The following ARHGEF3 variants were observed in gnomAD, a reference collection of about 807,000 sequenced individuals.
ARHGEF3 encodes Rho guanine nucleotide exchange factor 3.
Under a neutral mutation model 63.2 loss-of-function variants are expected in ARHGEF3, and 28 were observed. The ratio of observed to expected loss-of-function variants is 0.44; its 90% CI spans 0.33 to 0.61. The LOEUF (loss-of-function observed/expected upper bound fraction) is 0.61. ARHGEF3 is among the 20% of genes least tolerant of loss of function. ARHGEF3 has a pLI of 0.03. For synonymous variants in ARHGEF3, 266 were observed against 254.2 expected (o/e 1.05, Z -0.44); for missense variants, 533 against 659.3 (o/e 0.81, Z 2.10).
intron 3 of ARHGEF3, among the ~76,000 whole-genome samples, chr3:56,913,006 G>A (rs1048259759): frequency 3.9e-5 from 6 of 152,276 alleles, no homozygotes; most frequent in African/African-American, 1.4e-4. Flanking sequence ...GGGTATGGTG[G>A]TGCATACCTG....
exon 3 of ARHGEF3, chr3:56,958,840 C>T: frequency 1.9e-6 from 3 of 1,551,576 alleles, no homozygotes; most frequent in South Asian, 1.2e-5. Flanking sequence ...AAATTCCAGG[C>T]TTTAGGAGAG....
At chr3:56,983,529 G>C (rs533395092) in intron 2 of ARHGEF3, among the ~76,000 whole-genome samples, 2 of 152,316 alleles carry the variant, frequency 1.3e-5, no homozygotes, top group South Asian at 4.1e-4. Flanking sequence ...GCCTCCAATA[G>C]TACCTGTGAT....
intron 2 of ARHGEF3, among the ~76,000 whole-genome samples, chr3:56,970,398 C>A (rs1449364388): frequency 6.6e-6 from 1 of 152,100 alleles, no homozygotes; most frequent in Non-Finnish European, 1.5e-5. Context: ...GCTGAGAAAG[C>A]AAGCATTTTA....
chr3:56,763,605 G>A (rs1270751019), intron 2 of ARHGEF3, among the ~76,000 whole-genome samples: 1 of 152,198 alleles, frequency 6.6e-6, no homozygotes, highest in Non-Finnish European at 1.5e-5. Context: ...CTCACATGCA[G>A]AGTTAAGTGA....
intron 1 of ARHGEF3, among the ~76,000 whole-genome samples, chr3:57,044,460 C>CA (rs1704359997): frequency 1.3e-5 from 2 of 152,212 alleles, no homozygotes; most frequent in African/African-American, 2.4e-5. Flanking sequence ...TTTCTAAACA[C>CA]AGTGTCAAGA....
chr3:56,967,856 A>G (rs1700637618), intron 2 of ARHGEF3, among the ~76,000 whole-genome samples: 1 of 37,042 alleles, frequency 2.7e-5, no homozygotes, highest in South Asian at 8.7e-4. Flanking sequence ...TATATAATAT[A>G]TAATGACATA....
intron 1 of ARHGEF3, among the ~76,000 whole-genome samples, chr3:57,038,765 C>A (rs1704061589): frequency 6.6e-6 from 1 of 152,164 alleles, no homozygotes; most frequent in East Asian, 1.9e-4. Flanking sequence ...TTGGTAATGA[C>A]CACAGCCACT....
chr3:57,074,254 A>G lies in ARHGEF3; in HGVS notation c.-28+4972T>C, dbSNP rs146163794. The G allele has an allele frequency of 1.2e-4, 189 of 1,612,400 alleles. 1 individual carries two copies. The African/African-American group carries it at 2.3e-3, about 20-fold the overall frequency. ...ACAGTATACTCCAACACACACATAC[A>G]CACACATCTGTAATCAATAATAATC... On this transcript the variant is annotated intron_variant, in intron 1 of 12. Transcript: ENST00000338458.
rs373164985 is a variant in ARHGEF3, at chr3:57,074,077, A to C, written c.-28+5149T>G. On this transcript the variant is annotated intron_variant, in intron 1 of 12. Coordinates refer to the ARHGEF3 transcript ENST00000338458. The stretch of plus-strand genomic sequence containing the variant: ...CAAGTTATTCATAACTCTACACCTC[A>C]ATTTCTTGGTATGGAAGATGGGGAT... The C allele has an allele frequency of 4.3e-6, 7 of 1,613,940 alleles. No individual in the cohort carries two copies. The African/African-American group carries it at 6.7e-5, about 15-fold the overall frequency.
chr3:57,051,692 G>A (rs1353394210), intron 1 of ARHGEF3, among the ~76,000 whole-genome samples: 4 of 152,040 alleles, frequency 2.6e-5, no homozygotes, highest in African/African-American at 7.2e-5. Flanking sequence ...GGCCAGGCAC[G>A]GTGGCTCACG....
At chr3:57,000,824 T>C (rs1702165306) in intron 2 of ARHGEF3, among the ~76,000 whole-genome samples, 1 of 152,216 alleles carries the variant, frequency 6.6e-6, no homozygotes, top group Non-Finnish European at 1.5e-5. Flanking sequence ...TGAGCCACCA[T>C]GCCCAGCCAC....
At chr3:56,743,783 G>T (rs1578391540) in intron 7 of ARHGEF3, among the ~76,000 whole-genome samples, 1 of 152,024 alleles carries the variant, frequency 6.6e-6, no homozygotes, top group Admixed American at 6.6e-5. Context: ...CAGAAAATGA[G>T]CCCTTTGAAT....
chr3:56,789,969 TTG>T (rs2037002647), intron 1 of ARHGEF3, among the ~76,000 whole-genome samples: 1 of 152,166 alleles, frequency 6.6e-6, no homozygotes, highest in African/African-American at 2.4e-5. Context: ...TTAAATTATT[TTG>T]TGATTTGTCT....
intron 3 of ARHGEF3, among the ~76,000 whole-genome samples, chr3:56,929,115 G>T (rs985146458): frequency 4.6e-5 from 7 of 152,208 alleles, no homozygotes. Context: ...GGACAAAAAG[G>T]CTGCAATTTG....
At chr3:56,758,142 G>C (rs574838019) in intron 2 of ARHGEF3, among the ~76,000 whole-genome samples, 15 of 151,948 alleles carry the variant, frequency 9.9e-5, no homozygotes, top group Middle Eastern at 6.8e-3. Context: ...TTAGCTGGAC[G>C]TGATGGTAGG....
intron 1 of ARHGEF3, among the ~76,000 whole-genome samples, chr3:57,050,313 G>A (rs933874390): frequency 6.6e-6 from 1 of 152,216 alleles, no homozygotes; most frequent in African/African-American, 2.4e-5. Flanking sequence ...CCTTCCCACA[G>A]GTTGTTCCCT....
intron 2 of ARHGEF3, among the ~76,000 whole-genome samples, chr3:56,965,394 T>G (rs553981995): frequency 2.0e-5 from 3 of 152,254 alleles, no homozygotes; most frequent in Non-Finnish European, 2.9e-5. Context: ...AAAGCCTGAA[T>G]AGCCTTATAA....
intron 2 of ARHGEF3, chr3:56,975,764 T>C (rs1160126156): frequency 2.1e-5 from 9 of 421,394 alleles, no homozygotes; most frequent in Non-Finnish European, 4.1e-5. Flanking sequence ...ACACTTACTA[T>C]GTACCAGGCG....
At chr3:56,910,326 C>T (rs1210318138) in intron 3 of ARHGEF3, among the ~76,000 whole-genome samples, 1 of 152,172 alleles carries the variant, frequency 6.6e-6, no homozygotes, top group African/African-American at 2.4e-5. Flanking sequence ...GCACCTGGCG[C>T]AGAATCCAGC....
Sources: gnomAD v4.1 joint callset for allele counts (sites outside exome capture counted in the v4.1 genomes callset) on GRCh38, gnomAD v4.1.1 for gene constraint, MANE v1.5 for transcripts, NCBI Gene and HGNC (gene_info 2026-07-23, HGNC 2026-07-21) for gene names.